Variants in COL20A1 observed in about 807,000 individuals in gnomAD.
The protein encoded by COL20A1 is collagen alpha-1(XX) chain.
COL20A1 carries 164 observed loss-of-function variants against 152.9 expected under a neutral mutation model. The observed-to-expected ratio is 1.07, with a 90% CI of 0.94 to 1.22. COL20A1 has a LOEUF of 1.22. Ranked by LOEUF, COL20A1 falls within the 50% of genes most tolerant of loss-of-function variation. The probability of loss-of-function intolerance (pLI) is 0.00; values close to 1 mark genes in which losing one functional copy is unlikely to be tolerated. For missense variants in COL20A1, 1,873 were observed against 1,744.8 expected (o/e 1.07, Z -1.31); for synonymous variants, 864 against 756.0 (o/e 1.14, Z -2.34).
intron 25 of COL20A1, among the ~76,000 whole-genome samples, chr20:63,320,718 A>T (rs6011732): frequency 0.89 from 135,902 of 152,244 alleles, 62,585 homozygotes; most frequent in East Asian, 1. Context: ...GGGCTTGGCC[A>T]TACTGGGGGC....
Position 63,309,364 on chromosome 20 carries a change from G to C in COL20A1, c.972G>C (p.Arg324Ser). 1 of 1,530,566 alleles carries C rather than the reference G, an allele frequency of 6.5e-7. No individual in the cohort carries two copies. Among genetic ancestry groups the C allele is most frequent in the Non-Finnish European group, 8.8e-7 (1 of 1,132,494 alleles). The allele number at this position is 1,530,566 out of a possible 1,614,324, so 94.8% of individuals were successfully genotyped here. A position where few individuals can be genotyped will look rare whatever the true frequency, so the allele number is the denominator to read the frequency against. The stretch of plus-strand genomic sequence containing the variant: ...AGAACGCCGATGAGGCTGAGCTGAG[G>C]CTCCTGGCGTCCCCGCCGAGGGACA... ...GVKNADEAELRLLASPPRDIT... is the reference protein window; with the variant it reads ...GVKNADEAELSLLASPPRDIT... The change falls in exon 9 of 36, where the codon AGG becomes AGC. Residue 324 changes from arginine to serine, a missense_variant. Transcript: ENST00000358894.
rs780149329 is a variant in COL20A1 at position 63,306,103 on chromosome 20, C to A, written c.496+64C>A. 10 of 1,436,738 alleles carry A rather than the reference C, an allele frequency of 7.0e-6. No homozygotes were observed. Among genetic ancestry groups the A allele is most frequent in the African/African-American group, 1.4e-5 (1 of 70,278 alleles). 89.0% of individuals were successfully genotyped at this position (1,436,738 alleles called of 1,614,324 possible). On this transcript the variant is annotated intron_variant, in intron 5 of 35. Transcript: ENST00000358894. The surrounding 1 kb of genome is among the most constrained non-coding windows in gnomAD (Gnocchi z 6.9). ...GAGTGACCTTTGGTTTCCCACATTTCCCACCATGAGGCCAGGAAGTTCTTC... is the reference window on the plus strand; with the variant it reads ...GAGTGACCTTTGGTTTCCCACATTTACCACCATGAGGCCAGGAAGTTCTTC...
At chr20:63,323,938 G>A (rs904620700) in intron 27 of COL20A1, among the ~76,000 whole-genome samples, 7 of 152,114 alleles carry the variant, frequency 4.6e-5, no homozygotes, top group Non-Finnish European at 8.8e-5. Context: ...AGATATACTC[G>A]GGAACAGATG....
chr20:63,316,611 C>T lies in COL20A1; in HGVS notation c.2583C>T (p.Gly861=), dbSNP rs767754992. Residue 861 remains glycine, a synonymous_variant, in exon 21 of 36, where the codon GGC becomes GGT. Coordinates refer to ENST00000358894, the MANE Select transcript of COL20A1 (RefSeq NM_020882.4). ...LVEKAYASIR[G]VAMEPSAFGG... is the part of the protein sequence containing the mutation. ...AAAAGGCTTATGCGTCCATCCGGGG[C>T]GTGGCCATGGAGCCCTCTGCCTTCG... The T allele has an allele frequency of 8.5e-5, 135 of 1,583,682 alleles. 3 individuals carry two copies. Among genetic ancestry groups the T allele is most frequent in the Middle Eastern group, 8.3e-4 (5 of 6,024 alleles).
intron 35 of COL20A1, among the ~76,000 whole-genome samples, chr20:63,330,175 G>A (rs1225918353): frequency 6.6e-6 from 1 of 152,112 alleles, no homozygotes; most frequent in Non-Finnish European, 1.5e-5. Flanking sequence ...CGCTGGGCAG[G>A]CGGACCCTGT....
rs2067819056 is a variant in COL20A1, at chr20:63,297,929, G to T, written c.102G>T (p.Leu34=). Reference sequence around the variant, plus strand: ...CTGTAGCAAGCGGTCTCCTGAGGCTGGCTGTGCTGCCTGAGGACCGGCTGC... The same window carrying T: ...CTGTAGCAAGCGGTCTCCTGAGGCTTGCTGTGCTGCCTGAGGACCGGCTGC... ...EQVQASGLLR[L]AVLPEDRLQM... The change falls in exon 3 of 36, where the codon CTG becomes CTT. Residue 34 remains leucine (L), a synonymous_variant. Transcript: ENST00000358894. The T allele has an allele frequency of 1.2e-6, 2 of 1,613,356 alleles. No homozygotes were observed. The highest frequency in any genetic ancestry group is 1.1e-5 in the South Asian group (1 of 91,084).
Position 63,313,999 on chromosome 20 carries a change from G to T in COL20A1, c.2359-73G>T. ...CAGCTCTGCCATGGCGGGACGCAGA[G>T]GGAGGCAGCTGAGCCGCGTGGACGA... On this transcript the variant is annotated intron_variant, in intron 18 of 35. Coordinates refer to ENST00000358894, the MANE Select transcript of COL20A1 (RefSeq NM_020882.4). The surrounding 1 kb of genome is among the most constrained non-coding windows in gnomAD (Gnocchi z 5.9). 2 of 1,606,334 alleles carry T rather than the reference G, an allele frequency of 1.2e-6. No homozygotes were observed. Among genetic ancestry groups the T allele is most frequent in the Non-Finnish European group, 1.7e-6 (2 of 1,176,328 alleles).
At position 63,328,087 on chromosome 20, in the gene COL20A1, G is replaced by A. The variant is rs773202533; in HGVS notation, c.3573G>A (p.Pro1191=). 27 of 1,613,118 alleles carry A rather than the reference G, an allele frequency of 1.7e-5. No individual in the cohort carries two copies. Among genetic ancestry groups the A allele is most frequent in the African/African-American group, 5.3e-5 (4 of 74,880 alleles). Reference sequence around the variant, plus strand: ...ACCACCTTCCCTTCCAGGGCGAGCCGCAGTCCCTTGCCACCCTCTACCAGC... The same window carrying A: ...ACCACCTTCCCTTCCAGGGCGAGCCACAGTCCCTTGCCACCCTCTACCAGC... ...PKGERGEKGE[P]QSLATLYQLV... is the part of the protein sequence containing the mutation. Residue 1191 remains proline (P), a synonymous_variant, in exon 33 of 36, where the codon CCG becomes CCA. Transcript: ENST00000358894.
In COL20A1 at chr20:63,333,744, CAG is replaced by C. The variant is rs3046948; in HGVS notation, c.*3031_*3032del. ...CCAGCAGGTGAGGCGTGTCCACCCA[CAG>C]AGGATGGCTCTGGCCCAGGCAGTGT... On this transcript the variant is annotated 3_prime_UTR_variant, in exon 36 of 36. Coordinates refer to ENST00000358894, the MANE Select transcript of COL20A1 (RefSeq NM_020882.4). 129,249 of 152,350 alleles carry C rather than the reference CAG, an allele frequency of 0.85. 56,292 individuals are homozygous for C. The highest frequency in any genetic ancestry group is 0.99 in the East Asian group (5,126 of 5,186). The allele number at this position is 152,350 out of a possible 1,614,324, so 9.4% of individuals were successfully genotyped here.
intron 2 of COL20A1, among the ~76,000 whole-genome samples, chr20:63,295,432 C>G (rs989150225): frequency 2.6e-5 from 4 of 152,252 alleles, no homozygotes; most frequent in African/African-American, 9.6e-5. Flanking sequence ...AATGCTTGGC[C>G]GAGAGTTATT....
At chr20:63,312,595 GT>G (rs2068024451) in intron 15 of COL20A1, 46 bp downstream of exon 15, 1 of 1,532,614 alleles carries the variant, frequency 6.5e-7, no homozygotes, top group African/African-American at 1.4e-5. Flanking sequence ...GGGTTTCTGT[GT>G]CCTTCTGCCC....
At chr20:63,314,015 G>C (rs534890872) in intron 18 of COL20A1, 57 bp from the exon 19 acceptor site, 1 of 1,609,838 alleles carries the variant, frequency 6.2e-7, no homozygotes, top group African/African-American at 1.3e-5. Context: ...CAGCTGAGCC[G>C]CGTGGACGAG....
rs541838980 is a variant in COL20A1, at chr20:63,305,015, A to G, written c.194-402A>G. On this transcript the variant is annotated intron_variant, in intron 3 of 35. Coordinates refer to ENST00000358894, the MANE Select transcript of COL20A1 (RefSeq NM_020882.4). This position sits in a 1 kb window ranked among gnomAD's most constrained non-coding sequence, Gnocchi z 4.9. ...TGCGGCTGGTCGGTCCGTGCAGCCC[A>G]TAGGGTAGGAGCCTGTGGGAGTGGG... Among the ~76,000 whole-genome samples the G allele has an allele frequency of 1.3e-4, 20 of 152,244 alleles. No individual in the cohort carries two copies. Among genetic ancestry groups the G allele is most frequent in the African/African-American group, 4.8e-4 (20 of 41,542 alleles).
intron 30 of COL20A1, 141 bp from the exon 31 acceptor site, chr20:63,326,611 G>T: frequency 1.8e-6 from 1 of 555,820 alleles, no homozygotes; most frequent in Non-Finnish European, 3.1e-6. Flanking sequence ...CGGAGGAATG[G>T]CCTGAAGGAG....
In COL20A1 at chr20:63,312,058, G is replaced by T; in HGVS notation, c.1803+3G>T. On this transcript the variant is annotated splice_donor_region_variant and intron_variant, in intron 14 of 35. Coordinates refer to ENST00000358894, the MANE Select transcript of COL20A1 (RefSeq NM_020882.4). ...GCGAGGGTGGACACTCGGGGCAGGTGAGAGCAGAGCCCTCCGGGGGCCCGA... is the reference window on the plus strand; with the variant it reads ...GCGAGGGTGGACACTCGGGGCAGGTTAGAGCAGAGCCCTCCGGGGGCCCGA... 1 of 1,566,946 alleles carries T rather than the reference G, an allele frequency of 6.4e-7. No individual in the cohort carries two copies. The highest frequency in any genetic ancestry group is 8.7e-7 in the Non-Finnish European group (1 of 1,155,256).
At chr20:63,293,558 A>C (rs2067742772) in intron 1 of COL20A1, among the ~76,000 whole-genome samples, 1 of 152,146 alleles carries the variant, frequency 6.6e-6, no homozygotes, top group Non-Finnish European at 1.5e-5. Flanking sequence ...CACATCGAGC[A>C]GAGAGCGGCT....
At position 63,311,411 on chromosome 20, in the gene COL20A1, C is replaced by T. The variant is rs776690664; in HGVS notation, c.1411C>T (p.Arg471Trp). 28 of 1,581,248 alleles carry T rather than the reference C, an allele frequency of 1.8e-5. No individual in the cohort carries two copies. The highest frequency in any genetic ancestry group is 1.7e-4 in the Middle Eastern group (1 of 5,998). The change falls in exon 12 of 36, where the codon CGG (arginine) becomes TGG (tryptophan). Residue 471 changes from arginine to tryptophan, a missense_variant. Coordinates refer to ENST00000358894, the MANE Select transcript of COL20A1 (RefSeq NM_020882.4). The surrounding 1 kb of genome is among the most constrained non-coding windows in gnomAD (Gnocchi z 4.4). ...CCCCCCAGCACCTCTGCCTCCGCCC[C>T]GGGCGCTGACCCTGGCCGCAGTGAC... ...LVTTAPLPPP[R>W]ALTLAAVTPR...
At chr20:63,307,839 C>A in intron 6 of COL20A1, 132 bp from the exon 7 acceptor site, 3 of 1,256,048 alleles carry the variant, frequency 2.4e-6, no homozygotes, top group South Asian at 1.4e-5. Flanking sequence ...AGCGTCCTCT[C>A]CCTGGGGACT....
chr20:63,295,806 CTA>C (rs948125200), intron 2 of COL20A1, among the ~76,000 whole-genome samples: 6 of 152,226 alleles, frequency 3.9e-5, no homozygotes, highest in Non-Finnish European at 1.5e-5. Context: ...TAGATTGACT[CTA>C]GGAAGGTGAA....
Sources: gnomAD v4.1 joint callset for allele counts (sites outside exome capture counted in the v4.1 genomes callset) on GRCh38, gnomAD v4.1.1 for gene constraint, Gnocchi (gnomAD v3.1) non-coding constraint, MANE v1.5 for transcripts, NCBI Gene and HGNC (gene_info 2026-07-23, HGNC 2026-07-21) for gene names.